LRTM1: variants seen among roughly 807,000 people sequenced by gnomAD.
LRTM1 encodes the protein leucine-rich repeat and transmembrane domain-containing protein 1.
A neutral mutation model predicts 32.4 loss-of-function variants in LRTM1; 38 were observed. The ratio of observed to expected loss-of-function variants is 1.17; its 90% CI spans 0.91 to 1.54. LRTM1 has a LOEUF of 1.54. Among genes scored for constraint, LRTM1 ranks in the 40% most tolerant of loss-of-function variants. The pLI, the probability that LRTM1 is intolerant of heterozygous loss-of-function variation, is 0.00. For synonymous variants in LRTM1, 186 were observed against 169.9 expected (o/e 1.09, Z -0.74); for missense variants, 466 against 415.4 (o/e 1.12, Z -1.06).
intron 1 of LRTM1, among the ~76,000 whole-genome samples, chr3:54,933,236 A>G (rs935873745): frequency 2.6e-5 from 4 of 152,208 alleles, no homozygotes; most frequent in Non-Finnish European, 5.9e-5. Context: ...AATGCTTACA[A>G]TGGGGCACAT....
At chr3:54,926,503 A>G (rs959889753) in intron 1 of LRTM1, among the ~76,000 whole-genome samples, 4 of 81,892 alleles carry the variant, frequency 4.9e-5, no homozygotes, top group African/African-American at 1.3e-4. Flanking sequence ...CTGCCTGTCA[A>G]ATACACACAC....
At chr3:54,949,633 A>G (rs1701705544) in intron 1 of LRTM1, among the ~76,000 whole-genome samples, 1 of 152,206 alleles carries the variant, frequency 6.6e-6, no homozygotes, top group Non-Finnish European at 1.5e-5. Flanking sequence ...CGCATTGGTC[A>G]CTTATTTCAG....
chr3:54,923,350 C>T (rs1481339988), intron 2 of LRTM1, among the ~76,000 whole-genome samples: 1 of 152,086 alleles, frequency 6.6e-6, no homozygotes, highest in Non-Finnish European at 1.5e-5. Flanking sequence ...TCCCCCTCAT[C>T]AAGCCCTTTG....
At chr3:54,926,356 A>G (rs995943509) in intron 1 of LRTM1, among the ~76,000 whole-genome samples, 28 of 152,168 alleles carry the variant, frequency 1.8e-4, no homozygotes, top group African/African-American at 6.8e-4. Flanking sequence ...GCCCAAGTTC[A>G]CACAGAGTAT....
At chr3:54,928,790 G>A (rs1237950410), upstream of LRTM1, among the ~76,000 whole-genome samples, 1 of 149,744 alleles carries the variant, frequency 6.7e-6, no homozygotes, top group Non-Finnish European at 1.5e-5. Flanking sequence ...TCGTTTCCCT[G>A]ATGCTGAGGT....
upstream of LRTM1, among the ~76,000 whole-genome samples, chr3:54,931,119 G>A (rs759747936): frequency 3.3e-5 from 5 of 152,076 alleles, no homozygotes; most frequent in South Asian, 2.1e-4. Flanking sequence ...AAACAAAGTG[G>A]CATCTCTTAC....
At chr3:54,930,893 T>C (rs2106955676), upstream of LRTM1, among the ~76,000 whole-genome samples, 1 of 152,246 alleles carries the variant, frequency 6.6e-6, no homozygotes, top group African/African-American at 2.4e-5. Flanking sequence ...GGACAGGAGT[T>C]CGAGACCAGC....
At position 54,918,771 on chromosome 3, in the gene LRTM1, C is replaced by G. The variant is rs753428411; in HGVS notation, c.726G>C (p.Ser242=). The G allele has an allele frequency of 1.2e-6, 2 of 1,613,958 alleles. No individual in the cohort carries two copies. The highest frequency in any genetic ancestry group is 1.3e-5 in the African/African-American group (1 of 74,930). The change falls in exon 3 of 3, where the codon TCG becomes TCC. Residue 242 remains serine (S), a synonymous_variant. Coordinates refer to ENST00000273286, the MANE Select transcript of LRTM1 (RefSeq NM_020678.4). ...CPLPAPDPVS[S]QAQWPGSAHG... The stretch of plus-strand genomic sequence containing the variant: ...GGGCAGAGCCGGGCCACTGAGCCTG[C>G]GAGGACACTGGATCAGGAGCAGGAA...
intron 1 of LRTM1, among the ~76,000 whole-genome samples, chr3:54,947,345 T>C (rs1036407617): frequency 6.6e-6 from 1 of 152,054 alleles, no homozygotes; most frequent in Non-Finnish European, 1.5e-5. Context: ...AATGCAAACC[T>C]AAGAGACAGA....
In LRTM1 at chr3:54,918,771, C is replaced by A; in HGVS notation, c.726G>T (p.Ser242=). The A allele has an allele frequency of 6.2e-7, 1 of 1,614,076 alleles. No individual in the cohort carries two copies. The highest frequency in any genetic ancestry group is 8.5e-7 in the Non-Finnish European group (1 of 1,179,990). The change falls in exon 3 of 3, where the codon TCG becomes TCT. Residue 242 remains serine, a synonymous_variant. Transcript: ENST00000273286. Reference sequence around the variant, plus strand: ...GGGCAGAGCCGGGCCACTGAGCCTGCGAGGACACTGGATCAGGAGCAGGAA... The same window carrying A: ...GGGCAGAGCCGGGCCACTGAGCCTGAGAGGACACTGGATCAGGAGCAGGAA... ...CPLPAPDPVS[S]QAQWPGSAHG...
At position 54,920,487 on chromosome 3, in the gene LRTM1, G is replaced by C. The variant is rs746478278; in HGVS notation, c.605-1595C>G. On this transcript the variant is annotated intron_variant, in intron 2 of 2. Transcript: ENST00000273286. Reference sequence around the variant, plus strand: ...AACAGTCCTCACCCTAAAGCAGAAAGATAAAAGGGGAATTTCTTCCTTTTT... The same window carrying C: ...AACAGTCCTCACCCTAAAGCAGAAACATAAAAGGGGAATTTCTTCCTTTTT... Among the ~76,000 whole-genome samples, 18 of 152,172 alleles carry C rather than the reference G, an allele frequency of 1.2e-4. No individual in the cohort carries two copies. In the East Asian group the frequency reaches 3.1e-3, roughly 26 times the overall value.
intron 1 of LRTM1, among the ~76,000 whole-genome samples, chr3:54,942,838 C>T (rs980866487): frequency 1.3e-5 from 2 of 152,096 alleles, no homozygotes; most frequent in African/African-American, 4.8e-5. Context: ...TCCTGGCTAA[C>T]ACAGTGAAAC....
chr3:54,958,910 C>A (rs1051140083), intron 1 of LRTM1, among the ~76,000 whole-genome samples: 1 of 152,120 alleles, frequency 6.6e-6, no homozygotes, highest in Non-Finnish European at 1.5e-5. Flanking sequence ...TTGAGACCAG[C>A]CTGGGCAACA....
intron 1 of LRTM1, among the ~76,000 whole-genome samples, chr3:54,940,212 A>G (rs1448511031): frequency 6.6e-6 from 1 of 152,216 alleles, no homozygotes; most frequent in Non-Finnish European, 1.5e-5. Flanking sequence ...ACATGTGCAC[A>G]GTTTTAAAAG....
At chr3:54,941,362 C>G (rs989544448) in intron 1 of LRTM1, among the ~76,000 whole-genome samples, 15 of 152,118 alleles carry the variant, frequency 9.9e-5, no homozygotes, top group Non-Finnish European at 1.9e-4. Flanking sequence ...ATGAAGTAAG[C>G]CCCCTGTGTG....
intron 1 of LRTM1, among the ~76,000 whole-genome samples, chr3:54,943,919 GT>G (rs1444981166): frequency 6.6e-6 from 1 of 152,106 alleles, no homozygotes; most frequent in Non-Finnish European, 1.5e-5. Flanking sequence ...ACATTTTCCA[GT>G]AGTTTACTAA....
At chr3:54,933,982 G>T (rs1418701942) in intron 1 of LRTM1, among the ~76,000 whole-genome samples, 1 of 152,084 alleles carries the variant, frequency 6.6e-6, no homozygotes, top group Non-Finnish European at 1.5e-5. Context: ...TGTTGGTCAG[G>T]CTGGTCTCTA....
chr3:54,963,651 T>G (rs879567814), intron 1 of LRTM1, among the ~76,000 whole-genome samples: 13 of 152,170 alleles, frequency 8.5e-5, no homozygotes, highest in Admixed American at 3.3e-4. Context: ...GCAAAGCAAA[T>G]GGTCTATGTG....
intron 1 of LRTM1, among the ~76,000 whole-genome samples, chr3:54,937,705 C>T (rs1701365298): frequency 6.6e-6 from 1 of 152,068 alleles, no homozygotes; most frequent in Non-Finnish European, 1.5e-5. Context: ...AAGTACTAGC[C>T]AGAATTTACC....
Sources: allele counts gnomAD v4.1 joint callset (sites outside exome capture counted in the v4.1 genomes callset), GRCh38; gene constraint gnomAD v4.1.1; transcripts MANE v1.5; gene names NCBI Gene and HGNC (gene_info 2026-07-23, HGNC 2026-07-21).